The following SRPX variants were observed in gnomAD, a reference collection of about 807,000 sequenced individuals.
SRPX encodes sushi repeat-containing protein SRPX.
Under a neutral mutation model 38.1 loss-of-function variants are expected in SRPX, and 24 were observed. The observed-to-expected ratio is 0.63, with a 90% CI of 0.46 to 0.89. SRPX has a LOEUF of 0.89. Among genes scored for constraint, SRPX ranks in the 40% least tolerant of loss-of-function variants. The pLI is 0.00. For synonymous variants in SRPX, 184 were observed against 153.8 expected, an observed-to-expected ratio of 1.20 and a Z score of -1.45; for missense variants, 416 against 377.8, an observed-to-expected ratio of 1.10 and a Z score of -0.84.
chrX:38,185,676 T>C (rs1938762878), intron 1 of SRPX, among the ~76,000 whole-genome samples: 1 of 110,792 alleles, frequency 9.0e-6, no homozygotes, highest in Non-Finnish European at 1.9e-5. Context: ...GCTAATAGGG[T>C]GAACTTTTGT....
At chrX:38,206,005 G>T (rs1005654882) in intron 1 of SRPX, among the ~76,000 whole-genome samples, 2 of 112,467 alleles carry the variant, frequency 1.8e-5, no homozygotes, top group Non-Finnish European at 3.8e-5. Context: ...CCAAATATGG[G>T]CCTGCCTTGT....
chrX:38,163,667 G>T (rs1024449051), intron 5 of SRPX, among the ~76,000 whole-genome samples: 1 of 112,243 alleles, frequency 8.9e-6, no homozygotes, highest in Admixed American at 9.5e-5. Flanking sequence ...CCAACAAAAA[G>T]CAACTCAGAT....
chrX:38,158,904 C>T (rs771419751), intron 7 of SRPX, among the ~76,000 whole-genome samples: 123 of 110,436 alleles, frequency 1.1e-3, no homozygotes, highest in Non-Finnish European at 2.1e-3. Context: ...CACTGGAACC[C>T]GGGAGGCAGA....
intron 1 of SRPX, among the ~76,000 whole-genome samples, chrX:38,193,477 C>T (rs183436128): frequency 3.1e-4 from 35 of 111,710 alleles, no homozygotes; most frequent in Non-Finnish European, 3.6e-4. Context: ...CCTAGAAATT[C>T]CCCTCTTCAA....
chrX:38,219,998 C>T (rs1939485641), intron 1 of SRPX, among the ~76,000 whole-genome samples: 1 of 113,025 alleles, frequency 8.8e-6, no homozygotes. Flanking sequence ...ACCAGGGCCC[C>T]CTTAGATGCC....
chrX:38,156,785 A>T (rs1304031103), intron 8 of SRPX, 111 bp downstream of exon 8: 6 of 929,920 alleles, frequency 6.5e-6, no homozygotes, highest in Non-Finnish European at 8.7e-6. Flanking sequence ...ACTTCCTGAA[A>T]CTCACTGTAA....
At chrX:38,216,754 A>G (rs891795466) in intron 1 of SRPX, among the ~76,000 whole-genome samples, 3 of 112,460 alleles carry the variant, frequency 2.7e-5, no homozygotes, top group African/African-American at 9.7e-5. Context: ...TACTAATTTC[A>G]GTTGTGTTCT....
chrX:38,187,902 T>C (rs903154664), intron 1 of SRPX, among the ~76,000 whole-genome samples: 11 of 112,400 alleles, frequency 9.8e-5, no homozygotes, highest in Admixed American at 5.6e-4. Flanking sequence ...TTCTGTTATA[T>C]CTTGGCAAAG....
At chrX:38,210,346 G>A (rs1301961061) in intron 1 of SRPX, among the ~76,000 whole-genome samples, 1 of 111,998 alleles carries the variant, frequency 8.9e-6, no homozygotes, top group Non-Finnish European at 1.9e-5. Context: ...AGGTATACTG[G>A]CATATCAATG....
Position 38,156,933 on chromosome X carries a change from C to T in SRPX, c.1052G>A (p.Arg351Gln), listed in dbSNP as rs1420673841. ...TAGCTGGAGCCGGTAAAGGAGGTTTCGGGCTGTGGGTGTGGACACAATGAG... is the reference window on the plus strand; with the variant it reads ...TAGCTGGAGCCGGTAAAGGAGGTTTTGGGCTGTGGGTGTGGACACAATGAG... ...RLLIVSTPTA[R>Q]NLLYRLQLGM... The change falls in exon 8 of 10, where the codon CGA becomes CAA. Residue 351 changes from arginine (R) to glutamine (Q), a missense_variant. Transcript: ENST00000378533. 9.9e-6 allele frequency: 12 copies of T among 1,209,559 alleles called. No homozygotes were observed. Among genetic ancestry groups the T allele is most frequent in the East Asian group, 8.9e-5 (3 of 33,753 alleles).
intron 1 of SRPX, among the ~76,000 whole-genome samples, chrX:38,182,821 A>C (rs1317637514): frequency 8.9e-6 from 1 of 111,790 alleles, no homozygotes; most frequent in Non-Finnish European, 1.9e-5. Flanking sequence ...ACAGGACTAA[A>C]GATTTTCAGT....
At position 38,149,816 on chromosome X, in the gene SRPX, G is replaced by A. The variant is rs1244918520; in HGVS notation, c.1290C>T (p.Val430=). Residue 430 remains valine, a synonymous_variant, in exon 10 of 10, where the codon GTC becomes GTT. Transcript: ENST00000378533. Reference sequence around the variant, plus strand: ...ACAGGGCCACAGGCATCACCAGGGAGACATAGCGCTCTTTGTCCATGCCAT... The same window carrying A: ...ACAGGGCCACAGGCATCACCAGGGAAACATAGCGCTCTTTGTCCATGCCAT... ...DKHGMDKERY[V]SLVMPVALFN... is the part of the protein sequence containing the mutation. 8.3e-7 allele frequency: 1 copy of A among 1,209,205 alleles called. No homozygotes were observed. The highest frequency in any genetic ancestry group is 1.8e-5 in the African/African-American group (1 of 57,013).
chrX:38,162,861 G>A (rs899893677), intron 5 of SRPX, among the ~76,000 whole-genome samples: 10 of 112,438 alleles, frequency 8.9e-5, no homozygotes, highest in African/African-American at 2.3e-4. Context: ...ACCATATTAC[G>A]CAAGTTACCC....
intron 5 of SRPX, among the ~76,000 whole-genome samples, chrX:38,162,054 G>C (rs990181481): frequency 3.6e-5 from 4 of 112,279 alleles, no homozygotes; most frequent in Admixed American, 1.9e-4. Context: ...CCACTATTTT[G>C]AGACATGCTG....
Position 38,154,663 on chromosome X carries a change from G to A in SRPX, c.1090-80C>T. The A allele has an allele frequency of 2.7e-6, 3 of 1,112,880 alleles. No homozygotes were observed. In the Admixed American group the frequency reaches 7.5e-5, roughly 28 times the overall value. The allele number at this position is 1,112,880 out of a possible 1,213,427, so 91.7% of individuals were successfully genotyped here. A position where few individuals can be genotyped will look rare whatever the true frequency, so the allele number is the denominator to read the frequency against. The stretch of plus-strand genomic sequence containing the variant: ...CTTATCAAACTAGAAACCGACAGAA[G>A]CAGCACTGGCCTGTCTCTGGAAGTT... On this transcript the variant is annotated intron_variant, in intron 8 of 9. Coordinates refer to ENST00000378533, the MANE Select transcript of SRPX (RefSeq NM_006307.5).
intron 4 of SRPX, among the ~76,000 whole-genome samples, chrX:38,166,977 T>C (rs1167022580): frequency 7.1e-5 from 8 of 111,920 alleles, no homozygotes; most frequent in Non-Finnish European, 1.5e-4. Flanking sequence ...TGAACTGGCC[T>C]AGCTTTTCAG....
chrX:38,214,984 C>T (rs1048901293), intron 1 of SRPX, among the ~76,000 whole-genome samples: 6 of 111,760 alleles, frequency 5.4e-5, no homozygotes, highest in Non-Finnish European at 1.1e-4. Context: ...ACTGGATGTA[C>T]ATTGCAAACA....
At chrX:38,161,987 G>A (rs975945546) in intron 5 of SRPX, among the ~76,000 whole-genome samples, 2 of 112,081 alleles carry the variant, frequency 1.8e-5, no homozygotes, top group Non-Finnish European at 3.8e-5. Context: ...CATGTAGGTG[G>A]GTGAGGTGGC....
intron 1 of SRPX, among the ~76,000 whole-genome samples, chrX:38,181,244 G>A (rs1003346239): frequency 5.3e-5 from 6 of 112,163 alleles, no homozygotes; most frequent in Non-Finnish European, 9.4e-5. Flanking sequence ...GGAAAACAGG[G>A]GCAAAGAGAG....
Sources: gnomAD v4.1 joint callset for allele counts (sites outside exome capture counted in the v4.1 genomes callset) on GRCh38, gnomAD v4.1.1 for gene constraint, MANE v1.5 for transcripts, NCBI Gene and HGNC (gene_info 2026-07-23, HGNC 2026-07-21) for gene names.